KLF13: variants seen among roughly 807,000 people sequenced by gnomAD.
The protein encoded by KLF13 is Krueppel-like factor 13.
In KLF13, 8 loss-of-function variants were observed where a neutral mutation model predicts 16.7. That is an observed-to-expected ratio of 0.48 (90% CI 0.28 to 0.87). The LOEUF is 0.87. KLF13 is among the 40% of genes least tolerant of loss of function. The pLI, the probability that KLF13 is intolerant of heterozygous loss-of-function variation, is 0.10. For missense variants in KLF13, 447 were observed against 452.2 expected, an observed-to-expected ratio of 0.99 and a Z score of 0.10; for synonymous variants, 245 against 208.4, an observed-to-expected ratio of 1.18 and a Z score of -1.51.
Position 31,341,531 on chromosome 15 carries a change from T to G in KLF13, c.577+13742T>G, listed in dbSNP as rs534920098. On this transcript the variant is annotated intron_variant, in intron 1 of 1. Coordinates refer to ENST00000307145, the MANE Select transcript of KLF13 (RefSeq NM_015995.4). ...TTTTTTTTTTTGAGGCTGGGACAAT[T>G]CAGAACTTTTTTTTTTTTTTTTTGA... Among the ~76,000 whole-genome samples the G allele has an allele frequency of 6.0e-3, 894 of 148,576 alleles. 5 individuals are homozygous for G. The highest frequency in any genetic ancestry group is 1.0e-2 in the Non-Finnish European group (671 of 67,238).
chr15:31,401,190 G>T (rs1276945139), intron 2 of KLF13, among the ~76,000 whole-genome samples: 3 of 152,112 alleles, frequency 2.0e-5, no homozygotes, highest in African/African-American at 7.2e-5. Context: ...AGTAGAGACC[G>T]GGTTTCACCA....
chr15:31,337,329 A>G (rs1231095338), intron 1 of KLF13, among the ~76,000 whole-genome samples: 1 of 152,238 alleles, frequency 6.6e-6, no homozygotes, highest in Non-Finnish European at 1.5e-5. Context: ...ATGGTGTGGC[A>G]GAAGGAGGCC....
At chr15:31,342,774 G>A (rs2039049047) in intron 1 of KLF13, among the ~76,000 whole-genome samples, 1 of 152,172 alleles carries the variant, frequency 6.6e-6, no homozygotes, top group Admixed American at 6.5e-5. Context: ...GTTTCCTAAA[G>A]GGAAGCATGA....
At chr15:31,430,705 C>T (rs1210860377) in intron 1 of KLF13, among the ~76,000 whole-genome samples, 1 of 152,114 alleles carries the variant, frequency 6.6e-6, no homozygotes, top group Non-Finnish European at 1.5e-5. Flanking sequence ...TAGCAATGGA[C>T]AAAATGTTTC....
chr15:31,356,425 G>A (rs1045993771), intron 1 of KLF13, among the ~76,000 whole-genome samples: 23 of 152,310 alleles, frequency 1.5e-4, no homozygotes, highest in Admixed American at 3.3e-4. Flanking sequence ...GGTGGCGGGC[G>A]CCTGTAATCC....
chr15:31,338,511 T>G (rs978936382), intron 1 of KLF13, among the ~76,000 whole-genome samples: 7 of 152,148 alleles, frequency 4.6e-5, no homozygotes, highest in Non-Finnish European at 8.8e-5. Flanking sequence ...TGAACCCCAG[T>G]GGGGCTGCAT....
At chr15:31,352,233 G>C (rs747385090) in intron 1 of KLF13, among the ~76,000 whole-genome samples, 3 of 152,236 alleles carry the variant, frequency 2.0e-5, no homozygotes, top group Non-Finnish European at 4.4e-5. Flanking sequence ...TTGTGATCCA[G>C]CCTTGGATGC....
chr15:31,384,823 G>T (rs2039774780), intron 1 of KLF13, among the ~76,000 whole-genome samples: 1 of 152,150 alleles, frequency 6.6e-6, no homozygotes, highest in Non-Finnish European at 1.5e-5. Context: ...CACCACAAAA[G>T]CAAGCTGCTA....
At chr15:31,423,299 A>G (rs977750043) in intron 1 of KLF13, among the ~76,000 whole-genome samples, 2 of 150,454 alleles carry the variant, frequency 1.3e-5, no homozygotes, top group African/African-American at 4.9e-5. Flanking sequence ...CTTGCTTTCA[A>G]TAATGCATAG....
chr15:31,433,304 T>C (rs1025157255), intron 1 of KLF13, among the ~76,000 whole-genome samples: 1 of 152,138 alleles, frequency 6.6e-6, no homozygotes, highest in African/African-American at 2.4e-5. Flanking sequence ...TTCCATGCGG[T>C]GGCTTTTCCC....
chr15:31,410,889 A>G (rs1196307788), intron 1 of KLF13, among the ~76,000 whole-genome samples: 1 of 152,216 alleles, frequency 6.6e-6, no homozygotes, highest in African/African-American at 2.4e-5. Context: ...ACCCCTATAG[A>G]CACTGAAAAG....
chr15:31,421,658 A>T (rs2040325694), intron 1 of KLF13, among the ~76,000 whole-genome samples: 1 of 152,176 alleles, frequency 6.6e-6, no homozygotes, highest in Non-Finnish European at 1.5e-5. Context: ...AGAAAATGAG[A>T]AAGGAATCAA....
At chr15:31,405,393 G>A (rs1445579069), downstream of KLF13, among the ~76,000 whole-genome samples, 1 of 152,232 alleles carries the variant, frequency 6.6e-6, no homozygotes. Flanking sequence ...ACAGCAAGAA[G>A]ACTGCGGTCT....
At chr15:31,419,726 A>G (rs547551470) in intron 1 of KLF13, among the ~76,000 whole-genome samples, 1 of 152,324 alleles carries the variant, frequency 6.6e-6, no homozygotes, top group Non-Finnish European at 1.5e-5. Context: ...AAAAAGAAGA[A>G]AGAGAGCAAA....
At chr15:31,426,395 C>T (rs1405811334) in intron 1 of KLF13, among the ~76,000 whole-genome samples, 1 of 152,178 alleles carries the variant, frequency 6.6e-6, no homozygotes, top group Non-Finnish European at 1.5e-5. Context: ...TGACATTGGA[C>T]TTGGCAATAC....
intron 1 of KLF13, among the ~76,000 whole-genome samples, chr15:31,341,760 C>T (rs993559595): frequency 6.6e-6 from 1 of 152,308 alleles, no homozygotes; most frequent in East Asian, 1.9e-4. Flanking sequence ...ACAGCCTGAC[C>T]TGAGCCCCCC....
At chr15:31,394,251 C>T (rs2039920374) in intron 2 of KLF13, among the ~76,000 whole-genome samples, 1 of 151,804 alleles carries the variant, frequency 6.6e-6, no homozygotes, top group Non-Finnish European at 1.5e-5. Flanking sequence ...CTGAGGCAGG[C>T]GGATCACGAG....
chr15:31,355,476 C>T (rs1331838979), intron 1 of KLF13, among the ~76,000 whole-genome samples: 5 of 152,168 alleles, frequency 3.3e-5, no homozygotes, highest in Non-Finnish European at 5.9e-5. Context: ...TCTTTCTGTA[C>T]GTTCATTGTG....
chr15:31,380,421 A>G (rs1434406949), downstream of KLF13, among the ~76,000 whole-genome samples: 1 of 152,158 alleles, frequency 6.6e-6, no homozygotes, highest in African/African-American at 2.4e-5. Context: ...CCATGAAGGG[A>G]CTGGTGTTCT....
Sources: allele counts gnomAD v4.1 joint callset (sites outside exome capture counted in the v4.1 genomes callset), GRCh38; gene constraint gnomAD v4.1.1; transcripts MANE v1.5; gene names NCBI Gene and HGNC (gene_info 2026-07-23, HGNC 2026-07-21).